Variants in RALGAPB observed in about 807,000 individuals in gnomAD.
The protein encoded by RALGAPB is ral GTPase-activating protein subunit beta.
RALGAPB carries 25 observed loss-of-function variants against 161.1 expected under a neutral mutation model. The ratio of observed to expected loss-of-function variants is 0.16; its 90% confidence interval spans 0.11 to 0.22. The LOEUF (loss-of-function observed/expected upper bound fraction) is 0.22. RALGAPB is among the 10% of genes least tolerant of loss of function. The pLI is 1.00. For missense variants in RALGAPB, 1,391 were observed against 1,815.2 expected, an observed-to-expected ratio of 0.77 and a Z score of 4.25; for synonymous variants, 629 against 626.1, an observed-to-expected ratio of 1.00 and a Z score of -0.07.
intron 1 of RALGAPB, among the ~76,000 whole-genome samples, chr20:38,487,734 G>C (rs1020448901): frequency 2.6e-5 from 4 of 152,088 alleles, no homozygotes; most frequent in African/African-American, 9.7e-5. Flanking sequence ...TCACATTAGG[G>C]TTATGTTTTC....
At position 38,473,062 on chromosome 20, in the gene RALGAPB, C is replaced by T. The variant is rs2084696087; in HGVS notation, c.-38C>T. The T allele has an allele frequency of 2.7e-6, 1 of 373,058 alleles. No homozygotes were observed. Among genetic ancestry groups the T allele is most frequent in the Non-Finnish European group, 4.8e-6 (1 of 209,478 alleles). 23.1% of individuals were successfully genotyped at this position (373,058 alleles called of 1,614,324 possible). A position where few individuals can be genotyped will look rare whatever the true frequency, so the allele number is the denominator to read the frequency against. ...CCCCGGCGATGCGGGCCCCGCCCGT[C>T]GCCTCAGGTAACCGGGCAGCCGGCC... On this transcript the variant is annotated 5_prime_UTR_variant, in exon 1 of 30. Coordinates refer to ENST00000262879, the MANE Select transcript of RALGAPB (RefSeq NM_020336.4).
At chr20:38,512,270 G>A (rs969497301) in intron 6 of RALGAPB, among the ~76,000 whole-genome samples, 4 of 152,142 alleles carry the variant, frequency 2.6e-5, no homozygotes, top group Non-Finnish European at 4.4e-5. Context: ...TGAGATATGG[G>A]CACATATCTG....
chr20:38,480,974 G>T (rs891867146), intron 1 of RALGAPB, among the ~76,000 whole-genome samples: 5 of 150,744 alleles, frequency 3.3e-5, no homozygotes, highest in Non-Finnish European at 3.0e-5. Flanking sequence ...CTGACCTCGT[G>T]ATCTGCCCAT....
intron 6 of RALGAPB, among the ~76,000 whole-genome samples, chr20:38,511,175 A>G (rs976801347): frequency 5.3e-5 from 8 of 152,192 alleles, no homozygotes; most frequent in African/African-American, 1.9e-4. Flanking sequence ...GCCACAACTC[A>G]GACACACACC....
intron 2 of RALGAPB, among the ~76,000 whole-genome samples, chr20:38,489,781 A>G (rs2085222309): frequency 6.6e-6 from 1 of 152,150 alleles, no homozygotes; most frequent in Non-Finnish European, 1.5e-5. Flanking sequence ...TGAAGAGTAA[A>G]GGTCTTCAGT....
At chr20:38,555,419 A>T (rs1390475500) in intron 22 of RALGAPB, among the ~76,000 whole-genome samples, 1 of 152,166 alleles carries the variant, frequency 6.6e-6, no homozygotes, top group Non-Finnish European at 1.5e-5. Context: ...ATTGAGTTTG[A>T]TGCAGCATAT....
intron 21 of RALGAPB, 80 bp downstream of exon 21, chr20:38,551,303 T>A: frequency 6.8e-7 from 1 of 1,470,114 alleles, no homozygotes; most frequent in East Asian, 2.3e-5. Context: ...ACAATGCTTT[T>A]AGTGTTGTTG....
At chr20:38,544,923 T>C (rs1339561014) in intron 18 of RALGAPB, among the ~76,000 whole-genome samples, 1 of 152,238 alleles carries the variant, frequency 6.6e-6, no homozygotes, top group African/African-American at 2.4e-5. Context: ...CACGTTTACC[T>C]TTCATGTGTT....
At position 38,562,674 on chromosome 20, in the gene RALGAPB, A is replaced by T. The variant is rs2087826303; in HGVS notation, c.3674A>T (p.Asp1225Val). The T allele has an allele frequency of 6.2e-7, 1 of 1,611,636 alleles. No homozygotes were observed. Among genetic ancestry groups the T allele is most frequent in the African/African-American group, 1.3e-5 (1 of 74,744 alleles). ...ACCAGTTGGTCTATTAATTGTTGTG[A>T]TGATGGTGAAGGATCTCAACAAGGT... ...VSTSWSINCC[D>V]DGEGSQQEVI... The change falls in exon 24 of 30, where the codon GAT (aspartate) becomes GTT (valine). Residue 1225 changes from aspartate (D) to valine (V), a missense_variant. This residue lies in a region of RALGAPB where 436 missense variants were observed against 527.0 expected (regional missense o/e 0.83). Transcript: ENST00000262879.
At chr20:38,562,841 C>A in intron 24 of RALGAPB, 144 bp downstream of exon 24, 2 of 852,972 alleles carry the variant, frequency 2.3e-6, no homozygotes, top group Non-Finnish European at 3.4e-6. Context: ...TTCAAGAAGC[C>A]AAGGTGGGAG....
In RALGAPB at chr20:38,554,058, G is replaced by A; in HGVS notation, c.3354G>A (p.Leu1118=). The A allele has an allele frequency of 6.2e-7, 1 of 1,607,366 alleles. No homozygotes were observed. Among genetic ancestry groups the A allele is most frequent in the Non-Finnish European group, 8.5e-7 (1 of 1,174,340 alleles). The change falls in exon 22 of 30, where the codon TTG becomes TTA. Residue 1118 remains leucine (L), a synonymous_variant. Transcript: ENST00000262879. ...TTTTTCTCTCACACTTTGGATTTTT[G>A]TCCTTAGAAGCACTGAAGGTAATTT... ...ARLFLSHFGF[L]SLEALKEPAN...
intron 1 of RALGAPB, among the ~76,000 whole-genome samples, chr20:38,482,648 C>T (rs1600822685): frequency 6.6e-6 from 1 of 152,156 alleles, no homozygotes; most frequent in African/African-American, 2.4e-5. Context: ...AGGCCGGTCT[C>T]GAACTCCTGA....
chr20:38,525,884 T>G lies in RALGAPB; in HGVS notation c.1903-11T>G. On this transcript the variant is annotated splice_polypyrimidine_tract_variant and intron_variant, in intron 12 of 29. Transcript: ENST00000262879. ...ACAGCTGATGTTAAATATTATTTGT[T>G]TTTTCCATAGGTGGTCCTGGAAGGA... is the stretch of plus-strand genomic sequence containing the variant. 6.2e-7 allele frequency: 1 copy of G among 1,609,394 alleles called. No individual in the cohort carries two copies.
At chr20:38,559,458 G>T (rs777279997) in intron 23 of RALGAPB, among the ~76,000 whole-genome samples, 5 of 152,222 alleles carry the variant, frequency 3.3e-5, no homozygotes, top group African/African-American at 4.8e-5. Context: ...ACTTTGGGAG[G>T]CCGAGGCGGA....
chr20:38,528,238 C>A (rs573585808), intron 13 of RALGAPB, among the ~76,000 whole-genome samples: 2 of 152,068 alleles, frequency 1.3e-5, no homozygotes, highest in Admixed American at 1.3e-4. Context: ...GTTTATATTA[C>A]CCTTGAAATT....
rs545821435 is a variant in RALGAPB, at chr20:38,502,586, T to C, written c.740+2953T>C. 6.6e-5 allele frequency among the ~76,000 whole-genome samples: 10 copies of C among 151,928 alleles called. No individual in the cohort carries two copies. In the South Asian group the frequency reaches 1.9e-3, roughly 28 times the overall value. On this transcript the variant is annotated intron_variant, in intron 5 of 29. Transcript: ENST00000262879. ...GTAAATGTAAATGTGTTTTCTCTTT[T>C]ATATGATTTTTTTTTGTTTGAGACA... is the stretch of plus-strand genomic sequence containing the variant.
At position 38,516,363 on chromosome 20, in the gene RALGAPB, A is replaced by C. The variant is rs1011863728; in HGVS notation, c.1044A>C (p.Ala348=). 2 of 1,612,926 alleles carry C rather than the reference A, an allele frequency of 1.2e-6. No individual in the cohort carries two copies. The highest frequency in any genetic ancestry group is 2.7e-5 in the African/African-American group (2 of 74,946). The change falls in exon 7 of 30, where the codon GCA becomes GCC. Residue 348 remains alanine (A), a synonymous_variant. Transcript: ENST00000262879. ...AMRGISCLVD[A]FLGISRPRSD... ...GTGGAATCAGCTGTCTGGTGGATGC[A>C]TTCTTAGGTGAATTTTGTGTATGTT...
chr20:38,477,819 A>G (rs1225323987), intron 1 of RALGAPB, among the ~76,000 whole-genome samples: 1 of 152,168 alleles, frequency 6.6e-6, no homozygotes, highest in Non-Finnish European at 1.5e-5. Flanking sequence ...AGATGAGGAA[A>G]CTATGACAAA....
intron 2 of RALGAPB, 128 bp downstream of exon 2, chr20:38,488,746 A>G: frequency 1.1e-6 from 1 of 875,398 alleles, no homozygotes; most frequent in Non-Finnish European, 1.7e-6. Context: ...TCAACTTTTT[A>G]ATGGATTTCT....
Sources: allele counts gnomAD v4.1 joint callset (sites outside exome capture counted in the v4.1 genomes callset), GRCh38; gene constraint gnomAD v4.1.1; regional missense constraint gnomAD v4.1.1; transcripts MANE v1.5; gene names NCBI Gene and HGNC (gene_info 2026-07-23, HGNC 2026-07-21).